SLC2A9: variants seen among roughly 807,000 people sequenced by gnomAD.
SLC2A9 encodes the protein solute carrier family 2, facilitated glucose transporter member 9.
Under a neutral mutation model 50.6 loss-of-function variants are expected in SLC2A9, and 39 were observed. The ratio of observed to expected loss-of-function variants is 0.77; its 90% CI spans 0.60 to 1.01. The LOEUF (loss-of-function observed/expected upper bound fraction) is 1.01, where lower values mean the gene tolerates loss of function less well. Among genes scored for constraint, SLC2A9 ranks in the 50% least tolerant of loss-of-function variants. SLC2A9 has a pLI of 0.00. For missense variants in SLC2A9, 686 were observed against 677.6 expected (o/e 1.01, Z -0.14); for synonymous variants, 324 against 276.9 (o/e 1.17, Z -1.69).
At chr4:9,968,908 C>A (rs1285404905) in intron 5 of SLC2A9, among the ~76,000 whole-genome samples, 2 of 151,982 alleles carry the variant, frequency 1.3e-5, no homozygotes, top group Non-Finnish European at 2.9e-5. Flanking sequence ...ATATAACTTT[C>A]TGTATTGCTT....
intron 2 of SLC2A9, among the ~76,000 whole-genome samples, chr4:10,018,546 T>TGATAGATAGATAGATGATA (rs57476588): frequency 0.016 from 2,259 of 145,318 alleles, 23 homozygotes; most frequent in South Asian, 0.021. Context: ...ATCTCAAAGA[T>TGATAGATAGATAGATGATA]GATAGATAGA....
intron 3 of SLC2A9, among the ~76,000 whole-genome samples, chr4:9,813,784 G>T (rs1174340781): frequency 6.6e-6 from 1 of 151,994 alleles, no homozygotes; most frequent in Non-Finnish European, 1.5e-5. Flanking sequence ...AGAGGCAAGG[G>T]TGCCTCAGCA....
intron 1 of SLC2A9, among the ~76,000 whole-genome samples, chr4:10,020,215 G>A (rs6835326): frequency 1 from 152,202 of 152,204 alleles, 76,100 homozygotes; most frequent in Non-Finnish European, 1. Flanking sequence ...TGCTCTGCCA[G>A]TCTCGTTTGT....
At chr4:9,932,891 C>G (rs766778841) in intron 6 of SLC2A9, among the ~76,000 whole-genome samples, 1 of 152,202 alleles carries the variant, frequency 6.6e-6, no homozygotes, top group Non-Finnish European at 1.5e-5. Context: ...ACTGATGCAT[C>G]GTTAGAGGAA....
intron 6 of SLC2A9, among the ~76,000 whole-genome samples, chr4:9,936,250 C>T (rs1747058213): frequency 6.6e-6 from 1 of 152,176 alleles, no homozygotes; most frequent in Admixed American, 6.5e-5. Flanking sequence ...AAGAGAATTA[C>T]AAAGCACTCT....
chr4:9,927,535 G>A (rs1745129937), intron 6 of SLC2A9, among the ~76,000 whole-genome samples: 1 of 152,230 alleles, frequency 6.6e-6, no homozygotes, highest in South Asian at 2.1e-4. Flanking sequence ...GAGTGGCACT[G>A]AGCTTGTTCT....
intron 3 of SLC2A9, among the ~76,000 whole-genome samples, chr4:9,793,606 T>C (rs866777781): frequency 6.6e-5 from 10 of 152,224 alleles, no homozygotes; most frequent in African/African-American, 2.4e-4. Context: ...TTGAAAGAAG[T>C]GAAAGGAATG....
At chr4:9,774,157 C>T (rs570790822) in intron 1 of SLC2A9, among the ~76,000 whole-genome samples, 8 of 151,992 alleles carry the variant, frequency 5.3e-5, no homozygotes, top group Non-Finnish European at 7.4e-5. Context: ...CCTCACCCAG[C>T]TAATTTTTGT....
At chr4:9,920,849 G>A (rs1298647152) in intron 6 of SLC2A9, among the ~76,000 whole-genome samples, 1 of 152,246 alleles carries the variant, frequency 6.6e-6, no homozygotes, top group Admixed American at 6.5e-5. Flanking sequence ...GCAAGGCAGA[G>A]CACACCCAGA....
intron 10 of SLC2A9, among the ~76,000 whole-genome samples, chr4:9,867,007 A>G (rs1732590297): frequency 6.6e-6 from 1 of 152,216 alleles, no homozygotes; most frequent in African/African-American, 2.4e-5. Context: ...ACTGCTCCCA[A>G]TATGGGGAGA....
At chr4:10,004,562 C>G (rs1409979624) in intron 2 of SLC2A9, among the ~76,000 whole-genome samples, 1 of 152,196 alleles carries the variant, frequency 6.6e-6, no homozygotes, top group Non-Finnish European at 1.5e-5. Context: ...ACTTAAGGAA[C>G]CTGGGTCCCT....
chr4:9,807,166 G>A (rs1213551497), intron 3 of SLC2A9, among the ~76,000 whole-genome samples: 5 of 152,126 alleles, frequency 3.3e-5, no homozygotes, highest in Non-Finnish European at 7.4e-5. Flanking sequence ...CTTCCACAAG[G>A]GATCAACTTC....
At chr4:9,781,688 T>G (rs1718399564) in intron 3 of SLC2A9, 1 of 238,098 alleles carries the variant, frequency 4.2e-6, no homozygotes, top group African/African-American at 2.2e-5. Flanking sequence ...GGCGGCTTGC[T>G]CTCTTCTCTC....
intron 2 of SLC2A9, among the ~76,000 whole-genome samples, chr4:10,017,486 TCAAA>T (rs1029330781): frequency 1.3e-5 from 2 of 152,248 alleles, no homozygotes; most frequent in African/African-American, 4.8e-5. Flanking sequence ...CCCCTGGTTT[TCAAA>T]CAGTTTTTAG....
chr4:9,931,948 CTCTCTCTCTCTCTCTATATA>C lies in SLC2A9; in HGVS notation c.814+9945_814+9964del, dbSNP rs1255107400. On this transcript the variant is annotated intron_variant, in intron 6 of 11. Transcript: ENST00000264784. ...TCTCTCTCTCTCTCTCTCTCTCTCT[CTCTCTCTCTCTCTCTATATA>C]TATATATATATATATATATATATAT... 1.3e-4 allele frequency among the ~76,000 whole-genome samples: 8 copies of C among 60,712 alleles called. 1 individual carries two copies. The highest frequency in any genetic ancestry group is 4.8e-4 in the East Asian group (1 of 2,064). The allele number at this position is 60,712 out of a possible 152,430, so 39.8% of individuals were successfully genotyped here. A position where few individuals can be genotyped will look rare whatever the true frequency, so the allele number is the denominator to read the frequency against.
chr4:9,957,878 G>C (rs1751581117), intron 5 of SLC2A9, among the ~76,000 whole-genome samples: 4 of 151,900 alleles, frequency 2.6e-5, no homozygotes, highest in Admixed American at 2.6e-4. Context: ...GAGGTTAGGA[G>C]AAAATTATCA....
At chr4:9,974,327 A>G (rs1308988278) in intron 5 of SLC2A9, among the ~76,000 whole-genome samples, 4 of 152,214 alleles carry the variant, frequency 2.6e-5, no homozygotes, top group African/African-American at 9.6e-5. Context: ...TCAAATAGGA[A>G]AAGAAGTCAA....
chr4:10,029,264 A>C (rs1453953986), intron 1 of SLC2A9: 1 of 152,210 alleles, frequency 6.6e-6, no homozygotes, highest in Non-Finnish European at 1.5e-5. Context: ...ATTCTCATTT[A>C]ATGGATCTGA....
At chr4:9,784,991 A>G (rs1183033445) in intron 3 of SLC2A9, among the ~76,000 whole-genome samples, 1 of 152,214 alleles carries the variant, frequency 6.6e-6, no homozygotes, top group Non-Finnish European at 1.5e-5. Flanking sequence ...AGTGAGATTG[A>G]AAGCAAATCC....
Sources: gnomAD v4.1 joint callset for allele counts (sites outside exome capture counted in the v4.1 genomes callset) on GRCh38, gnomAD v4.1.1 for gene constraint, MANE v1.5 for transcripts, NCBI Gene and HGNC (gene_info 2026-07-23, HGNC 2026-07-21) for gene names.